AQP9: variants seen among roughly 807,000 people sequenced by gnomAD.
The protein encoded by AQP9 is aquaporin 9.
Under a neutral mutation model 23.8 loss-of-function variants are expected in AQP9, and 19 were observed. The observed-to-expected ratio is 0.80, with a 90% CI of 0.56 to 1.17. The LOEUF is 1.17. Ranked by LOEUF, AQP9 falls within the 50% of genes most tolerant of loss-of-function variation. AQP9 has a pLI of 0.00. For missense variants in AQP9, 413 were observed against 362.0 expected (o/e 1.14, Z -1.14); for synonymous variants, 153 against 131.5 (o/e 1.16, Z -1.12).
intron 1 of AQP9, among the ~76,000 whole-genome samples, chr15:58,165,467 A>T (rs28595548): frequency 0.2 from 29,785 of 152,116 alleles, 3,238 homozygotes; most frequent in Middle Eastern, 0.3. Context: ...CCCCCAACCC[A>T]TTAGGGTCTA....
At chr15:58,146,241 T>C (rs967375354) in intron 1 of AQP9, among the ~76,000 whole-genome samples, 7 of 152,186 alleles carry the variant, frequency 4.6e-5, no homozygotes, top group Non-Finnish European at 1.0e-4. Flanking sequence ...TTGGTATGCA[T>C]GTTGACTCTG....
chr15:58,157,761 G>C (rs1284043309), intron 1 of AQP9, among the ~76,000 whole-genome samples: 1 of 152,142 alleles, frequency 6.6e-6, no homozygotes, highest in African/African-American at 2.4e-5. Context: ...TCATCTAACG[G>C]AAGTTGTCTG....
intron 1 of AQP9, among the ~76,000 whole-genome samples, chr15:58,160,766 A>T (rs1370711081): frequency 2.0e-5 from 3 of 152,196 alleles, no homozygotes; most frequent in Non-Finnish European, 4.4e-5. Flanking sequence ...CAGAAAGCCA[A>T]TGAGGGCTTT....
rs74016575 is a variant in AQP9 at position 58,175,299 on chromosome 15, T to C, written c.495+263T>C. Among the ~76,000 whole-genome samples, 1,521 of 152,330 alleles carry C rather than the reference T, an allele frequency of 1.0e-2. 21 individuals carry two copies. Among genetic ancestry groups the C allele is most frequent in the African/African-American group, 0.035 (1,455 of 41,566 alleles). ...CCAGAAAAGAGTGAATGACTAAACA[T>C]TTCAATCCCTGTAGACACAAATGGA... is the stretch of plus-strand genomic sequence containing the variant. On this transcript the variant is annotated intron_variant, in intron 4 of 5. Transcript: ENST00000219919.
At chr15:58,181,713 G>C (rs549365343) in intron 5 of AQP9, among the ~76,000 whole-genome samples, 30 of 152,298 alleles carry the variant, frequency 2.0e-4, no homozygotes, top group Non-Finnish European at 3.5e-4. Flanking sequence ...GAGTAGCAAA[G>C]TATTTGGGGC....
intron 5 of AQP9, among the ~76,000 whole-genome samples, chr15:58,182,109 C>G (rs560797284): frequency 6.6e-6 from 1 of 152,174 alleles, no homozygotes; most frequent in South Asian, 2.1e-4. Flanking sequence ...CAAGAGTCAA[C>G]AGACCCTGGC....
intron 1 of AQP9, among the ~76,000 whole-genome samples, chr15:58,166,241 G>A (rs1299266645): frequency 6.6e-6 from 1 of 152,192 alleles, no homozygotes; most frequent in African/African-American, 2.4e-5. Context: ...CTGCTACTGT[G>A]CTCGATTATT....
intron 1 of AQP9, among the ~76,000 whole-genome samples, chr15:58,146,050 T>C (rs1036443971): frequency 7.2e-5 from 11 of 152,200 alleles, no homozygotes; most frequent in African/African-American, 2.2e-4. Context: ...AGAGTTTCAC[T>C]TTGTTTTTTT....
rs374406557 is a variant in AQP9, at chr15:58,184,027, C to A, written c.780C>A (p.Leu260=). 2 of 1,614,102 alleles carry A rather than the reference C, an allele frequency of 1.2e-6. No homozygotes were observed. Among genetic ancestry groups the A allele is most frequent in the African/African-American group, 1.3e-5 (1 of 75,026 alleles). The part of the protein sequence containing the change: ...GPLVGAVIGG[L]IYVLVIEIHH... ...TGGTTGGTGCTGTCATTGGAGGCCT[C>A]ATCTATGTTCTTGTCATTGAAATCC... Residue 260 remains leucine, a synonymous_variant, in exon 6 of 6, where the codon CTC becomes CTA. Transcript: ENST00000219919.
intron 2 of AQP9, among the ~76,000 whole-genome samples, chr15:58,170,491 G>A (rs754359987): frequency 6.0e-5 from 9 of 151,186 alleles, no homozygotes; most frequent in Admixed American, 1.3e-4. Context: ...TGCAACCTCC[G>A]CCTCCCAGGT....
At position 58,138,544 on chromosome 15, in the gene AQP9, G is replaced by C; in HGVS notation, c.-22G>C. 1 of 1,601,072 alleles carries C rather than the reference G, an allele frequency of 6.2e-7. No homozygotes were observed. ...AACAGGTAGGTATTGGTAGAAACAG[G>C]AGTCCTCAGAGAAGCCCCAAGATGC... is the stretch of plus-strand genomic sequence containing the variant. On this transcript the variant is annotated 5_prime_UTR_variant, in exon 1 of 6. Coordinates refer to ENST00000219919, the MANE Select transcript of AQP9 (RefSeq NM_020980.5).
chr15:58,160,399 G>T (rs142680547), intron 1 of AQP9, among the ~76,000 whole-genome samples: 1 of 151,956 alleles, frequency 6.6e-6, no homozygotes, highest in Non-Finnish European at 1.5e-5. Flanking sequence ...ATATATTATG[G>T]TTATCAATCC....
chr15:58,143,058 T>C (rs1430561361), intron 1 of AQP9, among the ~76,000 whole-genome samples: 2 of 152,200 alleles, frequency 1.3e-5, no homozygotes, highest in Admixed American at 6.5e-5. Context: ...CCCACAGTCT[T>C]GCAGCATTTT....
chr15:58,183,675 A>G (rs1025185764), intron 5 of AQP9, among the ~76,000 whole-genome samples: 22 of 152,138 alleles, frequency 1.4e-4, no homozygotes, highest in African/African-American at 5.3e-4. Flanking sequence ...GGGGCCCTCA[A>G]TCTTAACGAT....
At chr15:58,138,867 T>C (rs1897904127) in intron 1 of AQP9, 191 bp downstream of exon 1, 1 of 531,932 alleles carries the variant, frequency 1.9e-6, no homozygotes, top group Non-Finnish European at 3.4e-6. Context: ...TTCAATTACC[T>C]ATTGCATTTA....
intron 4 of AQP9, among the ~76,000 whole-genome samples, chr15:58,177,030 G>C (rs1456616464): frequency 6.6e-6 from 1 of 152,114 alleles, no homozygotes; most frequent in Non-Finnish European, 1.5e-5. Context: ...AGAAAACCCT[G>C]AGGCTGTAAC....
rs1899018683 is a variant in AQP9, at chr15:58,185,825, A to T, written c.*1690A>T. On this transcript the variant is annotated 3_prime_UTR_variant, in exon 6 of 6. Coordinates refer to ENST00000219919, the MANE Select transcript of AQP9 (RefSeq NM_020980.5). ...ATGTTTCTGATGACTTATGTTCTAC[A>T]ATCTATGGACATACGGGATTTTTTT... 1.3e-5 allele frequency: 2 copies of T among 152,224 alleles called. No individual in the cohort carries two copies. The highest frequency in any genetic ancestry group is 6.5e-5 in the Admixed American group (1 of 15,278). 9.4% of individuals were successfully genotyped at this position (152,224 alleles called of 1,614,324 possible).
chr15:58,149,594 A>G (rs775801058), intron 1 of AQP9, among the ~76,000 whole-genome samples: 2 of 152,198 alleles, frequency 1.3e-5, no homozygotes, highest in Non-Finnish European at 2.9e-5. Flanking sequence ...CTCAATATAG[A>G]TTAGTTGTTA....
chr15:58,173,104 G>A lies in AQP9; in HGVS notation c.275G>A (p.Cys92Tyr), dbSNP rs778171615. 1.4e-5 allele frequency: 22 copies of A among 1,613,874 alleles called. No individual in the cohort carries two copies. The highest frequency in any genetic ancestry group is 1.0e-4 in the Admixed American group (6 of 60,006). Residue 92 changes from cysteine (C) to tyrosine (Y), a missense_variant, in exon 3 of 6, where the codon TGT (cysteine) becomes TAT (tyrosine). Cys to Tyr is a radical substitution (Grantham distance 194). Transcript: ENST00000219919. ...HINPAVSLAM[C>Y]LFGRMKWFKL... ...AACCCAGCTGTGTCTTTAGCAATGT[G>A]TCTCTTTGGACGGATGAAATGGTTC...
Sources: allele counts gnomAD v4.1 joint callset (sites outside exome capture counted in the v4.1 genomes callset), GRCh38; gene constraint gnomAD v4.1.1; transcripts MANE v1.5; gene names NCBI Gene and HGNC (gene_info 2026-07-23, HGNC 2026-07-21).